Variants in DAO observed in about 807,000 individuals in gnomAD.
DAO encodes the protein D-amino-acid oxidase.
In DAO, 51 loss-of-function variants were observed where a neutral mutation model predicts 50.1. The ratio of observed to expected loss-of-function variants is 1.02; its 90% confidence interval spans 0.81 to 1.29. The LOEUF is 1.29. DAO is among the 50% of genes most tolerant of loss of function. The pLI, the probability that DAO is intolerant of heterozygous loss-of-function variation, is 0.00. For synonymous variants in DAO, 160 were observed against 166.2 expected (o/e 0.96, Z 0.29); for missense variants, 436 against 439.4 (o/e 0.99, Z 0.07).
intron 1 of DAO, among the ~76,000 whole-genome samples, chr12:108,880,756 G>A (rs1484966313): frequency 2.0e-5 from 3 of 151,762 alleles, no homozygotes; most frequent in Non-Finnish European, 4.4e-5. Flanking sequence ...CTTTGCTATG[G>A]GCACATAGCA....
Position 108,900,574 on chromosome 12 carries a change from C to A in DAO, c.*39C>A. The A allele has an allele frequency of 1.2e-6, 2 of 1,611,544 alleles. No homozygotes were observed. Among genetic ancestry groups the A allele is most frequent in the South Asian group, 2.2e-5 (2 of 90,788 alleles). On this transcript the variant is annotated 3_prime_UTR_variant, in exon 11 of 11. Transcript: ENST00000228476. ...TGCTGCCTCCCCCCACAAGAACTCC[C>A]TTCTCCCCTCAGCCAATGAATCAAT...
At position 108,898,705 on chromosome 12, in the gene DAO, T is replaced by A. The variant is rs1462478853; in HGVS notation, c.722T>A (p.Ile241Asn). Residue 241 changes from isoleucine to asparagine, a missense_variant, in exon 9 of 11, where the codon ATC becomes AAC. Physicochemically the swap from Ile to Asn is moderately radical, Grantham distance 149. Coordinates refer to ENST00000228476, the MANE Select transcript of DAO (RefSeq NM_001917.5). ...ACCCAGACAGTTACTCTTGGAGGCA[T>A]CTTCCAGTTGGGAAACTGGAGTGAA... ...PGTQTVTLGG[I>N]FQLGNWSELN... is the part of the protein sequence containing the mutation. 1 of 1,613,264 alleles carries A rather than the reference T, an allele frequency of 6.2e-7. No homozygotes were observed. Among genetic ancestry groups the A allele is most frequent in the African/African-American group, 1.3e-5 (1 of 74,900 alleles).
intron 7 of DAO, among the ~76,000 whole-genome samples, chr12:108,895,302 TGTGTGTGTGCATGTGTGAGG>T (rs1360188431): frequency 1.2e-4 from 18 of 151,382 alleles, no homozygotes; most frequent in East Asian, 5.8e-4. Context: ...TGTGTGCATA[TGTGTGTGTGCATGTGTGAGG>T]GTGTGTGTGC....
In DAO at chr12:108,890,279, A is replaced by AT. The variant is rs774583893; in HGVS notation, c.452+10dup. ...CTACAGTGGCTGACTGAAAGGTGAGATTTTAAGCTTCACTTTGAGGGAGGT... is the reference window on the plus strand; with the variant it reads ...CTACAGTGGCTGACTGAAAGGTGAGATTTTTAAGCTTCACTTTGAGGGAGGT... On this transcript the variant is annotated splice_region_variant and intron_variant, in intron 5 of 10. Coordinates refer to ENST00000228476, the MANE Select transcript of DAO (RefSeq NM_001917.5). 9.3e-6 allele frequency: 15 copies of AT among 1,611,586 alleles called. No homozygotes were observed. The highest frequency in any genetic ancestry group is 1.3e-5 in the Non-Finnish European group (15 of 1,177,862).
intron 6 of DAO, among the ~76,000 whole-genome samples, chr12:108,893,367 G>A (rs767744186): frequency 1.1e-4 from 16 of 152,100 alleles, no homozygotes; most frequent in Admixed American, 2.0e-4. Context: ...TAGCCCTACC[G>A]ACATCTGTGT....
At chr12:108,882,214 T>G (rs971148133) in intron 1 of DAO, among the ~76,000 whole-genome samples, 2 of 152,124 alleles carry the variant, frequency 1.3e-5, no homozygotes, top group African/African-American at 4.8e-5. Flanking sequence ...TCAGCTCTCA[T>G]AAAAGTTTAT....
Position 108,884,055 on chromosome 12 carries a change from C to A in DAO, c.-9-943C>A, listed in dbSNP as rs185353758. On this transcript the variant is annotated intron_variant, in intron 1 of 10. Transcript: ENST00000228476. ...GCCTGCAGAATATTTCCCTGCTGTG[C>A]GGGCTTAAGTAGCTTCAAGGTTAAA... Among the ~76,000 whole-genome samples, 12 of 152,304 alleles carry A rather than the reference C, an allele frequency of 7.9e-5. 1 individual carries two copies. The highest frequency in any genetic ancestry group is 7.8e-4 in the Admixed American group (12 of 15,302).
Position 108,899,534 on chromosome 12 carries a change from T to C in DAO, c.912+59T>C. 9 of 1,435,968 alleles carry C rather than the reference T, an allele frequency of 6.3e-6. No individual in the cohort carries two copies. The South Asian group carries it at 8.3e-5, about 13-fold the overall frequency. 89.0% of individuals were successfully genotyped at this position (1,435,968 alleles called of 1,614,324 possible). On this transcript the variant is annotated intron_variant, in intron 10 of 10. Transcript: ENST00000228476. ...TTCCACTCCTCAGATGGCTCTGGCATTTTCAGGGAACAGTCATGTCTGATC... is the reference window on the plus strand; with the variant it reads ...TTCCACTCCTCAGATGGCTCTGGCACTTTCAGGGAACAGTCATGTCTGATC...
intron 7 of DAO, among the ~76,000 whole-genome samples, chr12:108,895,535 A>AG (rs36225536): frequency 0.36 from 47,030 of 132,210 alleles, 8,513 homozygotes; most frequent in East Asian, 0.5. Flanking sequence ...ACACCATGTG[A>AG]GGGTATGTGT....
At chr12:108,897,463 T>C (rs891336743) in intron 8 of DAO, among the ~76,000 whole-genome samples, 15 of 151,960 alleles carry the variant, frequency 9.9e-5, no homozygotes, top group African/African-American at 3.6e-4. Context: ...GTGATCCACC[T>C]ACCCTTGCCT....
At chr12:108,895,801 G>T (rs1290609921) in intron 7 of DAO, among the ~76,000 whole-genome samples, 1 of 151,972 alleles carries the variant, frequency 6.6e-6, no homozygotes, top group East Asian at 1.9e-4. Context: ...ACCTGTGAAT[G>T]TTCATAGGTG....
intron 3 of DAO, among the ~76,000 whole-genome samples, chr12:108,888,492 C>T (rs1191618109): frequency 6.6e-6 from 1 of 152,030 alleles, no homozygotes; most frequent in Admixed American, 6.6e-5. Flanking sequence ...CGCACTACCA[C>T]GCCTGGCTAA....
chr12:108,900,287 T>C (rs1332537975), intron 10 of DAO, 117 bp from the exon 11 acceptor site: 4 of 1,353,236 alleles, frequency 3.0e-6, no homozygotes, highest in Non-Finnish European at 4.2e-6. Context: ...TCAGGTGGCA[T>C]CTGGCTTTGC....
chr12:108,900,236 C>T lies in DAO; in HGVS notation c.913-168C>T, dbSNP rs188170066. On this transcript the variant is annotated intron_variant, in intron 10 of 10. Transcript: ENST00000228476. ...TGCCCCATCATCTCTTGCAACTGTT[C>T]CAGGGGGTCCCCACCATTCCACCCC... The T allele has an allele frequency of 7.0e-4, 518 of 741,398 alleles. 7 individuals carry two copies. The African/African-American group carries it at 8.1e-3, about 12-fold the overall frequency. 45.9% of individuals were successfully genotyped at this position (741,398 alleles called of 1,614,324 possible).
chr12:108,889,613 C>T, intron 4 of DAO, 68 bp downstream of exon 4: 1 of 1,273,358 alleles, frequency 7.9e-7, no homozygotes, highest in Non-Finnish European at 1.1e-6. Flanking sequence ...CAGAAGGCAG[C>T]AGAGGGTAGA....
Position 108,886,292 on chromosome 12 carries a change from G to A in DAO, c.194+1092G>A, listed in dbSNP as rs151247728. On this transcript the variant is annotated intron_variant, in intron 2 of 10. Coordinates refer to ENST00000228476, the MANE Select transcript of DAO (RefSeq NM_001917.5). ...GCCCTCCTTGGCCTCCCAAAGTGCT[G>A]GGATTACAGGTGTGAGCCCTTGCAC... 6.1e-3 allele frequency among the ~76,000 whole-genome samples: 925 copies of A among 152,174 alleles called. 10 individuals are homozygous for A. The highest frequency in any genetic ancestry group is 0.02 in the African/African-American group (839 of 41,484).
rs1163973686 is a variant in DAO, at chr12:108,900,551, C to T, written c.*16C>T. 3.1e-6 allele frequency: 5 copies of T among 1,613,344 alleles called. No individual in the cohort carries two copies. Among genetic ancestry groups the T allele is most frequent in the Non-Finnish European group, 4.2e-6 (5 of 1,179,568 alleles). On this transcript the variant is annotated 3_prime_UTR_variant, in exon 11 of 11. Transcript: ENST00000228476. The stretch of plus-strand genomic sequence containing the variant: ...CCACCTCTGAAGACTCCAGTGACTG[C>T]TGCCTCCCCCCACAAGAACTCCCTT...
chr12:108,892,122 G>C lies in DAO; in HGVS notation c.453-860G>C, dbSNP rs539917604. Among the ~76,000 whole-genome samples, 14 of 141,696 alleles carry C rather than the reference G, an allele frequency of 9.9e-5. No individual in the cohort carries two copies. In the East Asian group the frequency reaches 1.9e-3, roughly 19 times the overall value. 93.0% of individuals were successfully genotyped at this position (141,696 alleles called of 152,430 possible). On this transcript the variant is annotated intron_variant, in intron 5 of 10. Coordinates refer to ENST00000228476, the MANE Select transcript of DAO (RefSeq NM_001917.5). ...TCACCTTCTTTTTGGCTTATTTCCT[G>C]TTCTTTGGATGTTTCTAGTGTATTT...
chr12:108,881,337 A>G (rs992374655), intron 1 of DAO, among the ~76,000 whole-genome samples: 3 of 152,038 alleles, frequency 2.0e-5, no homozygotes, highest in African/African-American at 7.3e-5. Context: ...CAACCGAATA[A>G]CTGAGCTGGG....
Sources: gnomAD v4.1 joint callset for allele counts (sites outside exome capture counted in the v4.1 genomes callset) on GRCh38, gnomAD v4.1.1 for gene constraint, MANE v1.5 for transcripts, NCBI Gene and HGNC (gene_info 2026-07-23, HGNC 2026-07-21) for gene names.